Variants in INSR observed in about 807,000 individuals in gnomAD.
INSR encodes the protein insulin receptor, also known as IR.
Under a neutral mutation model 142.6 loss-of-function variants are expected in INSR, and 67 were observed. The ratio of observed to expected loss-of-function variants is 0.47; its 90% CI spans 0.39 to 0.58. The LOEUF is 0.58. Ranked by LOEUF, INSR falls within the 20% of genes least tolerant of loss-of-function variation. INSR has a pLI of 0.00. For missense variants in INSR, 1,248 were observed against 1,833.2 expected, an observed-to-expected ratio of 0.68 and a Z score of 5.83; for synonymous variants, 756 against 743.1, an observed-to-expected ratio of 1.02 and a Z score of -0.28.
chr19:7,134,092 TG>T (rs1350444638), intron 13 of INSR, among the ~76,000 whole-genome samples: 1 of 151,818 alleles, frequency 6.6e-6, no homozygotes, highest in East Asian at 1.9e-4. Flanking sequence ...GGCAGGAGAA[TG>T]GCGTGAACCC....
chr19:7,126,609 G>A lies in INSR; in HGVS notation c.2988C>T (p.Asn996=), dbSNP rs1330947460. ...GPLGPLYASS[N]PEYLSASDVF... is the part of the protein sequence containing the mutation. ...CATCACTGGCACTGAGATACTCAGG[G>A]TTTGAAGAAGCGTAAAGCGGTCCCA... The change falls in exon 16 of 22, where the codon AAC becomes AAT. Residue 996 remains asparagine (N), a synonymous_variant. Coordinates refer to ENST00000302850, the MANE Select transcript of INSR (RefSeq NM_000208.4). 1 of 1,564,436 alleles carries A rather than the reference G, an allele frequency of 6.4e-7. No individual in the cohort carries two copies. The highest frequency in any genetic ancestry group is 1.2e-5 in the South Asian group (1 of 85,158).
chr19:7,198,321 C>G (rs992522733), intron 2 of INSR, among the ~76,000 whole-genome samples: 1 of 151,940 alleles, frequency 6.6e-6, no homozygotes, highest in East Asian at 1.9e-4. Context: ...GTGGCCGCCG[C>G]CGGGCGGTCC....
At chr19:7,175,491 T>G (rs1442336984) in intron 3 of INSR, among the ~76,000 whole-genome samples, 1 of 152,078 alleles carries the variant, frequency 6.6e-6, no homozygotes, top group Non-Finnish European at 1.5e-5. Context: ...ATCCCTAGGC[T>G]CCACTCACGA....
chr19:7,162,535 G>C (rs1254250004), intron 9 of INSR, among the ~76,000 whole-genome samples: 2 of 146,488 alleles, frequency 1.4e-5, no homozygotes, highest in East Asian at 4.1e-4. Flanking sequence ...AATAGGCCGG[G>C]TGTGGTGGCT....
At chr19:7,274,409 G>A (rs1489075958) in intron 1 of INSR, among the ~76,000 whole-genome samples, 1 of 151,552 alleles carries the variant, frequency 6.6e-6, no homozygotes, top group East Asian at 1.9e-4. Flanking sequence ...GGGGATCCCT[G>A]GTCTGCAGGA....
intron 2 of INSR, among the ~76,000 whole-genome samples, chr19:7,196,749 T>TAA (rs11334237): frequency 3.5e-5 from 5 of 144,712 alleles, no homozygotes; most frequent in African/African-American, 1.3e-4. Flanking sequence ...AAAAAAAACT[T>TAA]AAAAAAAAAA....
Position 7,166,202 on chromosome 19 carries a change from T to C in INSR, c.1813A>G (p.Thr605Ala). ...TLVTFSDERR[T>A]YGAKSDIIYV... ...ATGATGTCACTCTTGGCCCCATAGG[T>C]CCGGCGTTCATCCGAAAAGGTGACC... The change falls in exon 8 of 22, where the codon ACC becomes GCC. Residue 605 changes from threonine (T) to alanine (A), a missense_variant. Physicochemically the swap from Thr to Ala is moderately conservative, Grantham distance 58. This residue lies in a region of INSR where 1,069 missense variants were observed against 1,654.0 expected (regional missense o/e 0.65). Coordinates refer to ENST00000302850, the MANE Select transcript of INSR (RefSeq NM_000208.4). The surrounding 1 kb of genome is among the most constrained non-coding windows in gnomAD (Gnocchi z 4.1). The C allele has an allele frequency of 6.2e-7, 1 of 1,614,084 alleles. No individual in the cohort carries two copies. The highest frequency in any genetic ancestry group is 8.5e-7 in the Non-Finnish European group (1 of 1,180,038).
chr19:7,158,324 C>T (rs549439335), intron 9 of INSR, among the ~76,000 whole-genome samples: 51 of 151,848 alleles, frequency 3.4e-4, no homozygotes, highest in South Asian at 8.3e-4. Flanking sequence ...CATGGTGAAA[C>T]CCCGTCTCTA....
In INSR at chr19:7,150,578, T is replaced by C. The variant is rs1440049516; in HGVS notation, c.2232-46A>G. On this transcript the variant is annotated intron_variant, in intron 10 of 21. Transcript: ENST00000302850. The surrounding 1 kb of genome is among the most constrained non-coding windows in gnomAD (Gnocchi z 4.2). Reference sequence around the variant, plus strand: ...CCTTTGAGGACAGAGGGAACTTCATTAGACAGACCACTGGGCTCTGACACT... The same window carrying C: ...CCTTTGAGGACAGAGGGAACTTCATCAGACAGACCACTGGGCTCTGACACT... The C allele has an allele frequency of 1.3e-6, 2 of 1,596,818 alleles. No homozygotes were observed. The highest frequency in any genetic ancestry group is 1.7e-5 in the Admixed American group (1 of 59,902).
chr19:7,176,512 A>C (rs1246924739), intron 3 of INSR, among the ~76,000 whole-genome samples: 1 of 152,132 alleles, frequency 6.6e-6, no homozygotes, highest in Non-Finnish European at 1.5e-5. Flanking sequence ...GAGGCATGAG[A>C]ATTGCTTGAA....
chr19:7,264,157 G>A (rs1042666607), intron 2 of INSR, among the ~76,000 whole-genome samples: 3 of 134,050 alleles, frequency 2.2e-5, no homozygotes, highest in East Asian at 4.2e-4. Flanking sequence ...CAACAAAAGC[G>A]AAACTCCATC....
intron 2 of INSR, among the ~76,000 whole-genome samples, chr19:7,242,362 A>T (rs1180761824): frequency 6.6e-6 from 1 of 152,138 alleles, no homozygotes; most frequent in Non-Finnish European, 1.5e-5. Flanking sequence ...CATGGTACAC[A>T]TCTTTTTAAA....
At chr19:7,176,985 C>T (rs926688540) in intron 3 of INSR, among the ~76,000 whole-genome samples, 5 of 152,284 alleles carry the variant, frequency 3.3e-5, no homozygotes, top group Middle Eastern at 3.4e-3. Flanking sequence ...GATGCAACTA[C>T]GGCTGTAACA....
At chr19:7,209,022 T>C (rs1310206018) in intron 2 of INSR, among the ~76,000 whole-genome samples, 1 of 151,454 alleles carries the variant, frequency 6.6e-6, no homozygotes, top group Non-Finnish European at 1.5e-5. Context: ...TAGCTGGGCA[T>C]AGTGGCACAT....
At chr19:7,184,674 A>C in intron 2 of INSR, 37 bp from the exon 3 acceptor site, 1 of 1,029,090 alleles carries the variant, frequency 9.7e-7, no homozygotes, top group Non-Finnish European at 1.3e-6. Context: ...AAATAAATAA[A>C]TAAATAAATA....
intron 2 of INSR, among the ~76,000 whole-genome samples, chr19:7,210,734 CAGAGAGACAG>C (rs1975250032): frequency 6.6e-6 from 1 of 151,888 alleles, no homozygotes. Context: ...GAGACAGAGA[CAGAGAGACAG>C]AGAGAGACAG....
At chr19:7,256,847 A>T (rs901107909) in intron 2 of INSR, among the ~76,000 whole-genome samples, 2 of 151,342 alleles carry the variant, frequency 1.3e-5, no homozygotes, top group Non-Finnish European at 2.9e-5. Context: ...TTTTTTTTTT[A>T]AAGATCTTTG....
chr19:7,249,286 C>G (rs568273303), intron 2 of INSR, among the ~76,000 whole-genome samples: 71 of 152,100 alleles, frequency 4.7e-4, no homozygotes, highest in Non-Finnish European at 8.5e-4. Context: ...ACCAGGAATC[C>G]TAAGGTAAAC....
At chr19:7,252,384 T>C (rs997214101) in intron 2 of INSR, among the ~76,000 whole-genome samples, 1 of 151,660 alleles carries the variant, frequency 6.6e-6, no homozygotes, top group East Asian at 1.9e-4. Context: ...CCAGCCTGGG[T>C]GACAGAGCAA....
Sources: gnomAD v4.1 joint callset for allele counts (sites outside exome capture counted in the v4.1 genomes callset) on GRCh38, gnomAD v4.1.1 for gene constraint, gnomAD v4.1.1 regional missense constraint, Gnocchi (gnomAD v3.1) non-coding constraint, MANE v1.5 for transcripts, NCBI Gene and HGNC (gene_info 2026-07-23, HGNC 2026-07-21) for gene names.